The following SLC49A4 variants were observed in gnomAD, a reference collection of about 807,000 sequenced individuals.
SLC49A4 encodes disrupted in renal cancer protein 2.
In SLC49A4, 36 loss-of-function variants were observed where a neutral mutation model predicts 50.6. The observed-to-expected ratio is 0.71, with a 90% CI of 0.55 to 0.94. SLC49A4 has a LOEUF of 0.94. SLC49A4 is among the 40% of genes least tolerant of loss of function. The probability of loss-of-function intolerance (pLI) is 0.00; values close to 1 mark genes in which losing one functional copy is unlikely to be tolerated. For synonymous variants in SLC49A4, 248 were observed against 241.2 expected (o/e 1.03, Z -0.26); for missense variants, 503 against 605.7 (o/e 0.83, Z 1.78).
intron 5 of SLC49A4, among the ~76,000 whole-genome samples, chr3:122,851,695 G>A (rs1432761595): frequency 1.3e-5 from 2 of 151,838 alleles, no homozygotes; most frequent in African/African-American, 4.8e-5. Context: ...ATTAATTTCT[G>A]AAAATTTCTA....
chr3:122,807,587 T>C (rs1936240872), intron 2 of SLC49A4, among the ~76,000 whole-genome samples: 1 of 152,208 alleles, frequency 6.6e-6, no homozygotes, highest in Admixed American at 6.5e-5. Context: ...TACAGTATTA[T>C]TTTACCAGTA....
intron 1 of SLC49A4, among the ~76,000 whole-genome samples, chr3:122,796,825 G>T (rs1936049644): frequency 6.6e-6 from 1 of 152,206 alleles, no homozygotes; most frequent in Admixed American, 6.5e-5. Context: ...CGAAGCTGGA[G>T]TGAGCTGTGA....
At position 122,817,878 on chromosome 3, in the gene SLC49A4, C is replaced by T. The variant is rs570559794; in HGVS notation, c.438-8922C>T. ...CCAAAGTGCTAGGATTGCAGGTGTG[C>T]ACCACCTTGCCCAGTGTGCATGTAT... On this transcript the variant is annotated intron_variant, in intron 2 of 8. Coordinates refer to ENST00000261038, the MANE Select transcript of SLC49A4 (RefSeq NM_032839.3). Among the ~76,000 whole-genome samples, 25 of 149,310 alleles carry T rather than the reference C, an allele frequency of 1.7e-4. No homozygotes were observed. The South Asian group carries it at 4.9e-3, about 29-fold the overall frequency.
chr3:122,859,894 G>A (rs1937036152), intron 6 of SLC49A4, among the ~76,000 whole-genome samples, 181 bp from the exon 7 acceptor site: 1 of 151,814 alleles, frequency 6.6e-6, no homozygotes. Context: ...TGTTTTATAA[G>A]AGAAAAAAAA....
intron 3 of SLC49A4, among the ~76,000 whole-genome samples, chr3:122,830,313 C>T (rs748638422): frequency 2.6e-5 from 4 of 152,114 alleles, no homozygotes; most frequent in Non-Finnish European, 5.9e-5. Flanking sequence ...ATCGACAAGG[C>T]GATCCTGAAA....
chr3:122,872,501 T>G lies in SLC49A4; in HGVS notation c.1225T>G (p.Tyr409Asp), dbSNP rs750962979. The G allele has an allele frequency of 1.9e-6, 3 of 1,613,332 alleles. No homozygotes were observed. In the African/African-American group the frequency reaches 4.0e-5, roughly 22 times the overall value. The change falls in exon 8 of 9, where the codon TAC becomes GAC. Residue 409 changes from tyrosine (Y) to aspartate (D), a missense_variant. Coordinates refer to ENST00000261038, the MANE Select transcript of SLC49A4 (RefSeq NM_032839.3). Reference sequence around the variant, plus strand: ...TTTTGAGCTTTTTGTGGAAACTGTCTACCCAGTTCCAGAAGGAATTACTTG... The same window carrying G: ...TTTTGAGCTTTTTGTGGAAACTGTCGACCCAGTTCCAGAAGGAATTACTTG... Reference protein sequence around the residue: ...IFFELFVETVYPVPEGITCGV... With the variant: ...IFFELFVETVDPVPEGITCGV...
intron 3 of SLC49A4, among the ~76,000 whole-genome samples, chr3:122,830,173 A>G (rs1258788105): frequency 6.6e-6 from 1 of 152,238 alleles, no homozygotes; most frequent in Non-Finnish European, 1.5e-5. Context: ...AAGAAATTTA[A>G]AAAGACCTAA....
At chr3:122,861,675 A>C (rs559794883) in intron 7 of SLC49A4, among the ~76,000 whole-genome samples, 2 of 152,342 alleles carry the variant, frequency 1.3e-5, no homozygotes, top group East Asian at 3.9e-4. Context: ...AAGAACCAGC[A>C]GTTTACACAT....
chr3:122,857,280 G>A (rs1353583371), intron 6 of SLC49A4, among the ~76,000 whole-genome samples: 8 of 37,420 alleles, frequency 2.1e-4, no homozygotes, highest in African/African-American at 6.6e-4. Flanking sequence ...GGTCCCATTC[G>A]TTCTAAAAAA....
intron 7 of SLC49A4, among the ~76,000 whole-genome samples, chr3:122,871,896 T>A (rs1052456317): frequency 2.0e-5 from 3 of 152,114 alleles, no homozygotes; most frequent in Non-Finnish European, 4.4e-5. Flanking sequence ...TTAAAAAAAA[T>A]GTTGACCTAA....
chr3:122,803,218 T>G (rs1936158706), intron 1 of SLC49A4, among the ~76,000 whole-genome samples: 1 of 152,064 alleles, frequency 6.6e-6, no homozygotes, highest in Non-Finnish European at 1.5e-5. Flanking sequence ...ACCAGGTAAC[T>G]TGTGGGCAGA....
chr3:122,862,194 T>C (rs977665029), intron 7 of SLC49A4, among the ~76,000 whole-genome samples: 1 of 152,222 alleles, frequency 6.6e-6, no homozygotes, highest in African/African-American at 2.4e-5. Context: ...TAATGGCTAC[T>C]AAATTGTTAG....
At chr3:122,840,058 A>G (rs567470914) in intron 4 of SLC49A4, among the ~76,000 whole-genome samples, 1 of 152,334 alleles carries the variant, frequency 6.6e-6, no homozygotes, top group African/African-American at 2.4e-5. Context: ...ACTCAGCCGT[A>G]AAAAAAGAAC....
At chr3:122,833,269 A>G (rs1467318609) in intron 3 of SLC49A4, 48 bp from the exon 4 acceptor site, 2 of 1,582,236 alleles carry the variant, frequency 1.3e-6, no homozygotes, top group Non-Finnish European at 1.7e-6. Context: ...TGAAGTCTTC[A>G]ACTTTTTGTG....
intron 6 of SLC49A4, 69 bp downstream of exon 6, chr3:122,856,443 C>A: frequency 7.4e-7 from 1 of 1,349,402 alleles, no homozygotes; most frequent in Non-Finnish European, 1.1e-6. Context: ...AAATAGGCTC[C>A]CCTAAATAAA....
At chr3:122,827,901 T>C (rs1002664052) in intron 3 of SLC49A4, among the ~76,000 whole-genome samples, 2 of 152,212 alleles carry the variant, frequency 1.3e-5, no homozygotes, top group African/African-American at 4.8e-5. Flanking sequence ...AAGAATTTTG[T>C]AGGAGTTCAC....
intron 1 of SLC49A4, among the ~76,000 whole-genome samples, chr3:122,797,191 CAT>C (rs1389441506): frequency 3.8e-5 from 5 of 130,080 alleles, no homozygotes; most frequent in African/African-American, 1.0e-4. Flanking sequence ...GGCATAGAAA[CAT>C]AGTGTCCAAA....
intron 5 of SLC49A4, among the ~76,000 whole-genome samples, chr3:122,848,937 C>T (rs61089749): frequency 0.025 from 3,755 of 152,208 alleles, 145 homozygotes; most frequent in African/African-American, 0.083. Flanking sequence ...TATTTTTGTA[C>T]CCCTTAACCA....
At position 122,833,452 on chromosome 3, in the gene SLC49A4, T is replaced by G. The variant is rs1019341328; in HGVS notation, c.833+6T>G. 2.4e-5 allele frequency: 39 copies of G among 1,611,500 alleles called. No individual in the cohort carries two copies. Among genetic ancestry groups the G allele is most frequent in the Non-Finnish European group, 3.2e-5 (38 of 1,178,352 alleles). On this transcript the variant is annotated splice_donor_region_variant and intron_variant, in intron 4 of 8. Transcript: ENST00000261038. ...AGCGTTTGTAGATTATTAAGGTAAA[T>G]ATACTGAGAGTCACTGGATGGCTTT...
Sources: allele counts gnomAD v4.1 joint callset (sites outside exome capture counted in the v4.1 genomes callset), GRCh38; gene constraint gnomAD v4.1.1; transcripts MANE v1.5; gene names NCBI Gene and HGNC (gene_info 2026-07-23, HGNC 2026-07-21).